Variants in GLIS3 observed in about 807,000 individuals in gnomAD.
GLIS3 encodes zinc finger protein GLIS3.
A neutral mutation model predicts 78.6 loss-of-function variants in GLIS3; 53 were observed. The observed-to-expected ratio is 0.67, with a 90% CI of 0.54 to 0.85. The LOEUF (loss-of-function observed/expected upper bound fraction) is 0.85, where lower values mean the gene tolerates loss of function less well. GLIS3 is among the 40% of genes least tolerant of loss of function. GLIS3 has a pLI of 0.00. For missense variants in GLIS3, 1,703 were observed against 1,231.1 expected, an observed-to-expected ratio of 1.38 and a Z score of -5.74; for synonymous variants, 684 against 509.9, an observed-to-expected ratio of 1.34 and a Z score of -4.60.
intron 4 of GLIS3, among the ~76,000 whole-genome samples, chr9:4,017,910 T>C (rs1239998684): frequency 2.6e-5 from 4 of 152,198 alleles, no homozygotes; most frequent in Non-Finnish European, 2.9e-5. Context: ...GTGAGATGAA[T>C]TGACCACGCT....
At chr9:4,375,935 C>T in the GLIS3 span, among the ~76,000 whole-genome samples, 82 of 152,226 alleles carry the variant, frequency 5.4e-4, no homozygotes, top group Middle Eastern at 3.4e-3. Flanking sequence ...GCCAGCTACA[C>T]GTTTCATTGG....
the GLIS3 span, among the ~76,000 whole-genome samples, chr9:4,368,754 AGAG>A: frequency 6.6e-6 from 1 of 152,172 alleles, no homozygotes; most frequent in Non-Finnish European, 1.5e-5. Context: ...AGCTTTAAGA[AGAG>A]GAGGATAGTA....
At chr9:4,155,427 T>C (rs1464302890) in intron 2 of GLIS3, among the ~76,000 whole-genome samples, 1 of 152,250 alleles carries the variant, frequency 6.6e-6, no homozygotes, top group Non-Finnish European at 1.5e-5. Flanking sequence ...GCGTAGATTC[T>C]TAGGCAGTTG....
rs374056832 is a variant in GLIS3 at position 4,124,281 on chromosome 9, T to G, written c.596+1453A>C. ...TCGTTAAGGTGTTGTCTTTTAAGGTTATAAAATTATGCTAAGGAATCAAAT... is the reference window on the plus strand; with the variant it reads ...TCGTTAAGGTGTTGTCTTTTAAGGTGATAAAATTATGCTAAGGAATCAAAT... On this transcript the variant is annotated intron_variant, in intron 3 of 10. Coordinates refer to ENST00000381971, the MANE Select transcript of GLIS3 (RefSeq NM_001042413.2). 4.6e-5 allele frequency among the ~76,000 whole-genome samples: 7 copies of G among 152,320 alleles called. No homozygotes were observed. The South Asian group carries it at 1.2e-3, about 27-fold the overall frequency.
intron 8 of GLIS3, among the ~76,000 whole-genome samples, chr9:3,862,895 C>A (rs1588110608): frequency 7.6e-6 from 1 of 132,446 alleles, no homozygotes; most frequent in Non-Finnish European, 1.6e-5. Flanking sequence ...ATAAACTAGT[C>A]TACGATGGAT....
the GLIS3 span, among the ~76,000 whole-genome samples, chr9:4,460,695 T>C: frequency 1.6e-4 from 25 of 152,248 alleles, no homozygotes; most frequent in Non-Finnish European, 1.6e-4. Context: ...TAAGAAATCA[T>C]TGGCAAAGAG....
chr9:4,183,046 G>A (rs1563712992), intron 2 of GLIS3, among the ~76,000 whole-genome samples: 1 of 152,192 alleles, frequency 6.6e-6, no homozygotes, highest in Non-Finnish European at 1.5e-5. Flanking sequence ...AGATAGTGGT[G>A]AGGCCCACGT....
At chr9:4,359,710 A>G in the GLIS3 span, among the ~76,000 whole-genome samples, 1 of 152,194 alleles carries the variant, frequency 6.6e-6, no homozygotes, top group African/African-American at 2.4e-5. Flanking sequence ...GGCTCTTGGG[A>G]GTACAATAAA....
intron 4 of GLIS3, among the ~76,000 whole-genome samples, chr9:3,998,005 C>A (rs1246451995): frequency 1.3e-5 from 2 of 152,094 alleles, no homozygotes; most frequent in African/African-American, 2.4e-5. Flanking sequence ...TCATTCATTT[C>A]TTTTTTATCA....
chr9:4,232,577 T>G (rs1822366552), intron 2 of GLIS3, among the ~76,000 whole-genome samples: 1 of 152,114 alleles, frequency 6.6e-6, no homozygotes, highest in Non-Finnish European at 1.5e-5. Context: ...TCTGACTTAC[T>G]GGTTTGTTTG....
At chr9:4,417,709 C>A in the GLIS3 span, among the ~76,000 whole-genome samples, 5 of 152,144 alleles carry the variant, frequency 3.3e-5, no homozygotes, top group Non-Finnish European at 7.4e-5. Flanking sequence ...TCAAAAAGGT[C>A]ATCTAATGTT....
intron 7 of GLIS3, among the ~76,000 whole-genome samples, chr9:3,896,670 T>TAAAAAA (rs60086001): frequency 1.0e-4 from 5 of 50,018 alleles, no homozygotes; most frequent in East Asian, 7.2e-4. Context: ...CCATCTCAAT[T>TAAAAAA]AAAAAAAAAA....
At chr9:4,365,644 T>C in the GLIS3 span, among the ~76,000 whole-genome samples, 1 of 152,188 alleles carries the variant, frequency 6.6e-6, no homozygotes, top group East Asian at 1.9e-4. Context: ...ACTTGCTCAC[T>C]TGGATGGACA....
intron 2 of GLIS3, among the ~76,000 whole-genome samples, chr9:4,285,217 T>C (rs1356345453): frequency 6.6e-6 from 1 of 152,224 alleles, no homozygotes; most frequent in African/African-American, 2.4e-5. Flanking sequence ...AGCTATATTT[T>C]ACGTGGGGTG....
chr9:4,417,207 A>C, the GLIS3 span, among the ~76,000 whole-genome samples: 2 of 152,170 alleles, frequency 1.3e-5, no homozygotes, highest in Non-Finnish European at 2.9e-5. Context: ...TGTGGACTGA[A>C]GAGCCAGTAG....
intron 4 of GLIS3, chr9:4,034,592 T>C (rs1824151012): frequency 6.6e-6 from 1 of 152,216 alleles, no homozygotes; most frequent in Non-Finnish European, 1.5e-5. Context: ...ATCACAATTT[T>C]TCCCAGTTGT....
intron 4 of GLIS3, among the ~76,000 whole-genome samples, chr9:3,986,905 G>C (rs920610766): frequency 5.3e-5 from 8 of 152,170 alleles, no homozygotes; most frequent in African/African-American, 1.9e-4. Context: ...AAATGTGCAG[G>C]ATATAATTTA....
chr9:4,467,053 T>C, the GLIS3 span, among the ~76,000 whole-genome samples: 1,308 of 152,282 alleles, frequency 8.6e-3, 21 homozygotes, highest in African/African-American at 0.029. Context: ...CAGTTTGAGA[T>C]TGAACTGCAA....
chr9:4,361,520 A>T, the GLIS3 span, among the ~76,000 whole-genome samples: 1 of 152,216 alleles, frequency 6.6e-6, no homozygotes, highest in Non-Finnish European at 1.5e-5. Flanking sequence ...AGTGTTCTGC[A>T]TGCAAGGAGA....
Sources: gnomAD v4.1 joint callset for allele counts (sites outside exome capture counted in the v4.1 genomes callset) on GRCh38, gnomAD v4.1.1 for gene constraint, MANE v1.5 for transcripts, NCBI Gene and HGNC (gene_info 2026-07-23, HGNC 2026-07-21) for gene names.